Variants in CTNNA3 observed in about 807,000 individuals in gnomAD.
CTNNA3 encodes the protein catenin alpha 3.
A neutral mutation model predicts 95.7 loss-of-function variants in CTNNA3; 76 were observed. The ratio of observed to expected loss-of-function variants is 0.79; its 90% CI spans 0.66 to 0.96. CTNNA3 has a LOEUF of 0.96. Among genes scored for constraint, CTNNA3 ranks in the 40% least tolerant of loss-of-function variants. CTNNA3 has a pLI of 0.00. For missense variants in CTNNA3, 1,191 were observed against 1,089.8 expected, an observed-to-expected ratio of 1.09 and a Z score of -1.31; for synonymous variants, 431 against 374.4, an observed-to-expected ratio of 1.15 and a Z score of -1.74.
At chr10:67,605,999 T>G (rs1340485347) in intron 3 of CTNNA3, among the ~76,000 whole-genome samples, 1 of 152,218 alleles carries the variant, frequency 6.6e-6, no homozygotes, top group Non-Finnish European at 1.5e-5. Flanking sequence ...CCCTGTATCA[T>G]ACATGTGACA....
chr10:67,375,512 C>G (rs1241078460), intron 5 of CTNNA3, among the ~76,000 whole-genome samples: 2 of 152,048 alleles, frequency 1.3e-5, no homozygotes, highest in Non-Finnish European at 2.9e-5. Flanking sequence ...ACTCGGGAAG[C>G]TGAGGCAAGA....
intron 1 of CTNNA3, among the ~76,000 whole-genome samples, chr10:67,727,163 AAT>A (rs1841238989): frequency 8.2e-6 from 1 of 122,630 alleles, no homozygotes; most frequent in Non-Finnish European, 1.6e-5. Flanking sequence ...AATTATATAT[AAT>A]ATATGATACA....
At chr10:66,383,749 T>C (rs1377674769) in intron 11 of CTNNA3, among the ~76,000 whole-genome samples, 1 of 152,162 alleles carries the variant, frequency 6.6e-6, no homozygotes, top group Admixed American at 6.5e-5. Flanking sequence ...GCAGATCTCT[T>C]GGCAGAAACC....
At chr10:66,278,375 T>C (rs2091434694) in intron 13 of CTNNA3, among the ~76,000 whole-genome samples, 1 of 151,770 alleles carries the variant, frequency 6.6e-6, no homozygotes, top group African/African-American at 2.4e-5. Flanking sequence ...AGAAGTTTGT[T>C]GAAAATTAAA....
rs1034463883 is a variant in CTNNA3, at chr10:67,076,653, C to T, written c.1047+103664G>A. ...ACATTCAAACCAAAGATAAATAAGG[C>T]ATGAAAATAATATTGGATAGAATGA... On this transcript the variant is annotated intron_variant, in intron 7 of 17. Transcript: ENST00000433211. Among the ~76,000 whole-genome samples the T allele has an allele frequency of 2.6e-5, 4 of 152,116 alleles. No individual in the cohort carries two copies. The South Asian group carries it at 8.3e-4, about 32-fold the overall frequency.
intron 10 of CTNNA3, among the ~76,000 whole-genome samples, chr10:66,575,255 T>C (rs150626642): frequency 6.6e-6 from 1 of 152,242 alleles, no homozygotes; most frequent in African/African-American, 2.4e-5. Flanking sequence ...ATTTCCTTTA[T>C]TTAACAAACA....
chr10:66,750,995 C>A (rs1020391430), intron 9 of CTNNA3, among the ~76,000 whole-genome samples: 1 of 152,020 alleles, frequency 6.6e-6, no homozygotes, highest in Admixed American at 6.6e-5. Flanking sequence ...CCAGGCTGGG[C>A]GTGGTGGCTC....
At chr10:66,685,388 T>G (rs1371498362) in intron 9 of CTNNA3, among the ~76,000 whole-genome samples, 2 of 61,970 alleles carry the variant, frequency 3.2e-5, no homozygotes, top group African/African-American at 6.7e-5. Flanking sequence ...TTTTTTTTTT[T>G]TTGAGATGGA....
At chr10:66,663,918 G>C in intron 9 of CTNNA3, among the ~76,000 whole-genome samples, 1 of 151,962 alleles carries the variant, frequency 6.6e-6, no homozygotes, top group Non-Finnish European at 1.5e-5. Context: ...ATTTTTTCTA[G>C]TTGGACAAAG....
intron 1 of CTNNA3, among the ~76,000 whole-genome samples, chr10:67,662,916 C>A (rs1296582672): frequency 6.6e-6 from 1 of 152,154 alleles, no homozygotes; most frequent in Non-Finnish European, 1.5e-5. Context: ...TCTCTTATCC[C>A]AGTGGCACAG....
chr10:66,422,622 A>G (rs966011258), intron 11 of CTNNA3, among the ~76,000 whole-genome samples: 2 of 152,030 alleles, frequency 1.3e-5, no homozygotes, highest in Non-Finnish European at 2.9e-5. Context: ...TCTGGCATGC[A>G]ACTGTAGGAT....
Position 66,335,443 on chromosome 10 carries a change from C to T in CTNNA3, c.1732+43709G>A, listed in dbSNP as rs981368162. ...TCCTTTCTGTTTGTTAGTTTTCCTT[C>T]TAACAGTCAGGACCCTCAGCTGCAG... On this transcript the variant is annotated intron_variant, in intron 12 of 17. Coordinates refer to ENST00000433211, the MANE Select transcript of CTNNA3 (RefSeq NM_013266.4). Among the ~76,000 whole-genome samples the T allele has an allele frequency of 5.9e-5, 9 of 152,090 alleles. No individual in the cohort carries two copies. In the South Asian group the frequency reaches 1.7e-3, roughly 28 times the overall value.
intron 7 of CTNNA3, among the ~76,000 whole-genome samples, chr10:67,037,077 A>C (rs1854105885): frequency 6.6e-6 from 1 of 152,118 alleles, no homozygotes; most frequent in South Asian, 2.1e-4. Flanking sequence ...TGAAGTGAGC[A>C]AGGAAGAGAG....
At chr10:66,418,510 C>A (rs933966389) in intron 11 of CTNNA3, among the ~76,000 whole-genome samples, 1 of 150,798 alleles carries the variant, frequency 6.6e-6, no homozygotes, top group African/African-American at 2.5e-5. Context: ...TTCTTCCTAA[C>A]ATATTCTATA....
At chr10:67,640,546 A>T (rs535812063) in intron 2 of CTNNA3, among the ~76,000 whole-genome samples, 2 of 152,276 alleles carry the variant, frequency 1.3e-5, no homozygotes, top group Admixed American at 1.3e-4. Context: ...TGCATTGCCA[A>T]GTCAATCCTA....
At chr10:67,171,403 C>T (rs527667286) in intron 7 of CTNNA3, among the ~76,000 whole-genome samples, 70 of 152,040 alleles carry the variant, frequency 4.6e-4, no homozygotes, top group African/African-American at 1.6e-3. Flanking sequence ...GGAGAAACCC[C>T]GTTTCTACTA....
chr10:65,940,738 G>A (rs1387350813), intron 17 of CTNNA3, among the ~76,000 whole-genome samples: 1 of 152,122 alleles, frequency 6.6e-6, no homozygotes, highest in Non-Finnish European at 1.5e-5. Context: ...CAGATTCCCA[G>A]TTAAATTTTG....
chr10:67,655,655 C>T (rs933870578), intron 1 of CTNNA3, among the ~76,000 whole-genome samples: 3 of 151,690 alleles, frequency 2.0e-5, no homozygotes, highest in African/African-American at 7.3e-5. Context: ...ATTAGACAGG[C>T]ATGGTGGCAT....
At chr10:66,486,847 A>AC (rs1839745239) in intron 11 of CTNNA3, among the ~76,000 whole-genome samples, 2 of 151,788 alleles carry the variant, frequency 1.3e-5, no homozygotes, top group Admixed American at 1.3e-4. Context: ...ACACACACAC[A>AC]AAATGAAATA....
Sources: gnomAD v4.1 joint callset for allele counts (sites outside exome capture counted in the v4.1 genomes callset) on GRCh38, gnomAD v4.1.1 for gene constraint, MANE v1.5 for transcripts, NCBI Gene and HGNC (gene_info 2026-07-23, HGNC 2026-07-21) for gene names.